CCNY: variants seen among roughly 807,000 people sequenced by gnomAD.
CCNY encodes cyclin-Y.
Under a neutral mutation model 42.8 loss-of-function variants are expected in CCNY, and 19 were observed. The observed-to-expected ratio is 0.44, with a 90% confidence interval of 0.31 to 0.65. The LOEUF (loss-of-function observed/expected upper bound fraction) is 0.65. Ranked by LOEUF, CCNY falls within the 30% of genes least tolerant of loss-of-function variation. The probability of loss-of-function intolerance (pLI) is 0.07; values close to 1 mark genes in which losing one functional copy is unlikely to be tolerated. For synonymous variants in CCNY, 165 were observed against 162.7 expected (o/e 1.01, Z -0.11); for missense variants, 370 against 437.3 (o/e 0.85, Z 1.37).
chr10:35,517,229 G>T (rs1031006706), intron 4 of CCNY, among the ~76,000 whole-genome samples: 1 of 152,080 alleles, frequency 6.6e-6, no homozygotes, highest in African/African-American at 2.4e-5. Flanking sequence ...GGGAGTCTTG[G>T]GATAAACTTC....
At chr10:35,271,791 A>G (rs1835172116) in intron 3 of CCNY, among the ~76,000 whole-genome samples, 1 of 152,114 alleles carries the variant, frequency 6.6e-6, no homozygotes. Flanking sequence ...TGGGTTCCAC[A>G]GTGCATTATT....
chr10:35,436,124 G>C (rs568914133), intron 1 of CCNY, among the ~76,000 whole-genome samples: 1 of 152,288 alleles, frequency 6.6e-6, no homozygotes, highest in African/African-American at 2.4e-5. Flanking sequence ...AGGCCATGGG[G>C]AAGTGTGACA....
upstream of CCNY, among the ~76,000 whole-genome samples, chr10:35,333,101 C>T (rs1835965214): frequency 6.6e-6 from 1 of 151,776 alleles, no homozygotes; most frequent in Non-Finnish European, 1.5e-5. Flanking sequence ...TACAGTGGTA[C>T]AATCATAGCT....
At chr10:35,500,053 A>T (rs1840079937) in intron 2 of CCNY, among the ~76,000 whole-genome samples, 1 of 152,224 alleles carries the variant, frequency 6.6e-6, no homozygotes, top group Admixed American at 6.5e-5. Flanking sequence ...GGTAAAATGT[A>T]ATCCCTCTGC....
intron 7 of CCNY, among the ~76,000 whole-genome samples, chr10:35,543,361 G>A (rs1236193174): frequency 1.3e-5 from 2 of 152,180 alleles, no homozygotes; most frequent in African/African-American, 4.8e-5. Flanking sequence ...AGTCATACAG[G>A]ACACAGTTGA....
intron 3 of CCNY, among the ~76,000 whole-genome samples, chr10:35,513,372 C>A (rs1030580193): frequency 6.6e-6 from 1 of 152,142 alleles, no homozygotes; most frequent in East Asian, 1.9e-4. Context: ...TTGGGACAAT[C>A]TTTCTAAATT....
At chr10:35,493,816 C>T (rs1459147412) in intron 2 of CCNY, among the ~76,000 whole-genome samples, 5 of 152,176 alleles carry the variant, frequency 3.3e-5, no homozygotes, top group Non-Finnish European at 4.4e-5. Flanking sequence ...GAGCCCTGTA[C>T]GTAAGACAAC....
intron 3 of CCNY, among the ~76,000 whole-genome samples, chr10:35,278,460 A>C (rs2135050744): frequency 6.6e-6 from 1 of 152,216 alleles, no homozygotes; most frequent in East Asian, 1.9e-4. Flanking sequence ...GCCAGCAGGG[A>C]TCCAGCTCCA....
intron 5 of CCNY, among the ~76,000 whole-genome samples, chr10:35,529,102 C>CG (rs1277503997): frequency 6.6e-6 from 1 of 152,176 alleles, no homozygotes; most frequent in Non-Finnish European, 1.5e-5. Context: ...TGAAAGCTAC[C>CG]TCTTTAAGTG....
intron 1 of CCNY, among the ~76,000 whole-genome samples, chr10:35,402,890 C>A (rs959414797): frequency 6.6e-6 from 1 of 152,062 alleles, no homozygotes; most frequent in Non-Finnish European, 1.5e-5. Context: ...AAGGCCCGTC[C>A]GTTAATGGGA....
intron 4 of CCNY, among the ~76,000 whole-genome samples, chr10:35,517,280 A>T (rs1013874151): frequency 1.3e-5 from 2 of 152,130 alleles, no homozygotes; most frequent in Non-Finnish European, 2.9e-5. Flanking sequence ...TTAAAGAGGG[A>T]GGGAACACTG....
chr10:35,445,609 A>G (rs755840157), intron 1 of CCNY, among the ~76,000 whole-genome samples: 3 of 152,166 alleles, frequency 2.0e-5, no homozygotes, highest in Non-Finnish European at 2.9e-5. Context: ...TTTTGAGGCT[A>G]TTTGGAGCCA....
At chr10:35,412,903 G>GAATTT (rs1370786073) in intron 1 of CCNY, among the ~76,000 whole-genome samples, 1 of 147,668 alleles carries the variant, frequency 6.8e-6, no homozygotes, top group African/African-American at 2.6e-5. Context: ...TTGCGCGGCG[G>GAATTT]GCAAGAGGAT....
At chr10:35,401,496 C>G (rs1837643126) in intron 1 of CCNY, among the ~76,000 whole-genome samples, 1 of 151,664 alleles carries the variant, frequency 6.6e-6, no homozygotes, top group Non-Finnish European at 1.5e-5. Context: ...CTAAATTTCC[C>G]AAAGAAATTT....
intron 3 of CCNY, among the ~76,000 whole-genome samples, chr10:35,256,971 A>C (rs1019468599): frequency 1.3e-4 from 20 of 152,164 alleles, no homozygotes; most frequent in African/African-American, 4.8e-4. Flanking sequence ...TTAGTCTCTT[A>C]AGAGACTATC....
chr10:35,414,140 T>C (rs982336233), intron 1 of CCNY, among the ~76,000 whole-genome samples: 6 of 152,242 alleles, frequency 3.9e-5, no homozygotes, highest in Non-Finnish European at 7.3e-5. Flanking sequence ...ACAACACACA[T>C]TGACTCTATC....
chr10:35,473,879 A>G (rs1467702275), intron 1 of CCNY, among the ~76,000 whole-genome samples: 1 of 152,088 alleles, frequency 6.6e-6, no homozygotes, highest in African/African-American at 2.4e-5. Flanking sequence ...TTTCCATCTG[A>G]GGTACCGGGT....
rs532537100 is a variant in CCNY, at chr10:35,412,551, A to ATT, written c.155-70851_155-70850dup. 2.0e-4 allele frequency among the ~76,000 whole-genome samples: 30 copies of ATT among 152,060 alleles called. No individual in the cohort carries two copies. In the East Asian group the frequency reaches 5.6e-3, roughly 29 times the overall value. On this transcript the variant is annotated intron_variant, in intron 1 of 9. Transcript: ENST00000374704. ...GGGACATCCAGCCTAGCTGTTGAGG[A>ATT]TTTAATGAAGAATTTGCAGCTGGGC...
At chr10:35,525,893 CTG>C (rs1238588940) in intron 4 of CCNY, 69 bp from the exon 5 acceptor site, 3 of 1,304,030 alleles carry the variant, frequency 2.3e-6, no homozygotes, top group African/African-American at 3.0e-5. Flanking sequence ...TATGTTCAGA[CTG>C]TGGCCAGGTA....
Sources: gnomAD v4.1 joint callset for allele counts (sites outside exome capture counted in the v4.1 genomes callset) on GRCh38, gnomAD v4.1.1 for gene constraint, MANE v1.5 for transcripts, NCBI Gene and HGNC (gene_info 2026-07-23, HGNC 2026-07-21) for gene names.